POLA2: variants seen among roughly 807,000 people sequenced by gnomAD.
The protein encoded by POLA2 is DNA polymerase alpha 2, accessory subunit.
A neutral mutation model predicts 82.8 loss-of-function variants in POLA2; 47 were observed. The ratio of observed to expected loss-of-function variants is 0.57; its 90% CI spans 0.45 to 0.72. The LOEUF (loss-of-function observed/expected upper bound fraction) is 0.72, where lower values mean the gene tolerates loss of function less well. Ranked by LOEUF, POLA2 falls within the 30% of genes least tolerant of loss-of-function variation. The pLI is 0.00. For synonymous variants in POLA2, 287 were observed against 286.8 expected, an observed-to-expected ratio of 1.00 and a Z score of -0.01; for missense variants, 634 against 728.1, an observed-to-expected ratio of 0.87 and a Z score of 1.49.
intron 15 of POLA2, among the ~76,000 whole-genome samples, chr11:65,295,163 C>T (rs967446410): frequency 9.2e-5 from 14 of 152,328 alleles, no homozygotes; most frequent in East Asian, 3.9e-4. Context: ...AAGCGACTCG[C>T]GTGTGAAGCG....
chr11:65,278,612 T>G, intron 5 of POLA2, 118 bp from the exon 6 acceptor site: 1 of 826,738 alleles, frequency 1.2e-6, no homozygotes, highest in Non-Finnish European at 2.0e-6. Context: ...ATTCAATTTA[T>G]AAACTATGAG....
At chr11:65,267,186 A>G (rs1397224418) in intron 2 of POLA2, among the ~76,000 whole-genome samples, 1 of 152,156 alleles carries the variant, frequency 6.6e-6, no homozygotes, top group African/African-American at 2.4e-5. Flanking sequence ...AGCCTGGGAC[A>G]GAGCGAGACT....
At chr11:65,263,547 G>A (rs1175624708) in intron 1 of POLA2, among the ~76,000 whole-genome samples, 1 of 152,146 alleles carries the variant, frequency 6.6e-6, no homozygotes, top group Non-Finnish European at 1.5e-5. Context: ...AAGAAGACTA[G>A]CCAGGTGTGG....
At position 65,295,526 on chromosome 11, in the gene POLA2, C is replaced by A. The variant is rs746955814; in HGVS notation, c.1461-14C>A. ...AAACAGAGTTCTGTTTTCATGCTTTCTTTTCTTTCCCAGTTCTTCCGGAAC... is the reference window on the plus strand; with the variant it reads ...AAACAGAGTTCTGTTTTCATGCTTTATTTTCTTTCCCAGTTCTTCCGGAAC... On this transcript the variant is annotated splice_polypyrimidine_tract_variant and intron_variant, in intron 15 of 17. Transcript: ENST00000265465. 1 of 1,611,568 alleles carries A rather than the reference C, an allele frequency of 6.2e-7. No homozygotes were observed. The highest frequency in any genetic ancestry group is 8.5e-7 in the Non-Finnish European group (1 of 1,177,700).
chr11:65,279,540 C>A lies in POLA2; in HGVS notation c.658C>A (p.Leu220Met), dbSNP rs780756662. Residue 220 changes from leucine (L) to methionine (M), a missense_variant and splice_region_variant, in exon 7 of 18, where the codon CTG (leucine) becomes ATG (methionine). Transcript: ENST00000265465. ...FQKLPDIREV[L>M]TCKIEELGSE... ...TTTTTCCACTTCTGGGATTGTAGTT[C>A]TGACCTGTAAGATAGAAGAACTTGG... is the stretch of plus-strand genomic sequence containing the variant. The A allele has an allele frequency of 7.5e-6, 12 of 1,606,176 alleles. No individual in the cohort carries two copies. In the South Asian group the frequency reaches 1.3e-4, roughly 18 times the overall value.
At chr11:65,278,467 AACG>A (rs1949603805) in intron 5 of POLA2, among the ~76,000 whole-genome samples, 1 of 152,186 alleles carries the variant, frequency 6.6e-6, no homozygotes, top group South Asian at 2.1e-4. Context: ...ATGCCAAGAG[AACG>A]ACAACTTTTT....
intron 8 of POLA2, chr11:65,305,333 G>T (rs1411456794): frequency 2.2e-6 from 1 of 455,264 alleles, no homozygotes; most frequent in African/African-American, 2.0e-5. Context: ...TAAGAGAAAC[G>T]CAAACTCTAA....
At chr11:65,266,553 T>C (rs1428561065) in intron 1 of POLA2, 29 bp from the exon 2 acceptor site, 1 of 1,612,718 alleles carries the variant, frequency 6.2e-7, no homozygotes, top group African/African-American at 1.3e-5. Context: ...TGAACTAAGT[T>C]TTTACTTGTC....
intron 10 of POLA2, 114 bp from the exon 11 acceptor site, chr11:65,287,602 C>T: frequency 2.1e-6 from 2 of 934,240 alleles, no homozygotes; most frequent in Non-Finnish European, 3.2e-6. Context: ...CAGAGTTTCA[C>T]ACATAAAGGA....
intron 9 of POLA2, 115 bp from the exon 10 acceptor site, chr11:65,282,364 T>A (rs1035120256): frequency 1.2e-6 from 1 of 814,532 alleles, no homozygotes; most frequent in Admixed American, 1.8e-5. Context: ...CTCTCGCTCC[T>A]CCCCACTGTC....
intron 10 of POLA2, among the ~76,000 whole-genome samples, chr11:65,283,753 C>T (rs1283664181): frequency 6.6e-6 from 1 of 152,106 alleles, no homozygotes; most frequent in Non-Finnish European, 1.5e-5. Flanking sequence ...GGATTGCAGG[C>T]ATGAGCCACC....
Position 65,297,567 on chromosome 11 carries a change from C to T in POLA2, c.*298C>T, listed in dbSNP as rs1949826277. The T allele has an allele frequency of 3.7e-6, 1 of 269,632 alleles. No homozygotes were observed. Among genetic ancestry groups the T allele is most frequent in the South Asian group, 1.5e-4 (1 of 6,856 alleles). The allele number at this position is 269,632 out of a possible 1,614,324, so 16.7% of individuals were successfully genotyped here. ...GGCGAGAAGGCTTTGTGATTTTCTACATGAATCAAACACAGAAACAACTTT... is the reference window on the plus strand; with the variant it reads ...GGCGAGAAGGCTTTGTGATTTTCTATATGAATCAAACACAGAAACAACTTT... On this transcript the variant is annotated 3_prime_UTR_variant, in exon 18 of 18. Transcript: ENST00000265465.
intron 8 of POLA2, among the ~76,000 whole-genome samples, chr11:65,304,592 A>G (rs1388689132): frequency 6.6e-6 from 1 of 152,226 alleles, no homozygotes; most frequent in Non-Finnish European, 1.5e-5. Context: ...TTCCCACGGT[A>G]TCACAAGGTG....
chr11:65,292,562 T>C (rs1350062770), intron 13 of POLA2, among the ~76,000 whole-genome samples: 1 of 152,254 alleles, frequency 6.6e-6, no homozygotes, highest in African/African-American at 2.4e-5. Flanking sequence ...GGAGCACAGA[T>C]TGTCCCATTC....
At chr11:65,268,102 A>G (rs1949481771) in intron 3 of POLA2, among the ~76,000 whole-genome samples, 1 of 151,050 alleles carries the variant, frequency 6.6e-6, no homozygotes, top group Non-Finnish European at 1.5e-5. Flanking sequence ...CAAAGTACAA[A>G]TTAAAAAATA....
rs983144141 is a variant in POLA2, at chr11:65,278,776, G to A, written c.508G>A (p.Val170Met). ...CAACTCACGAAGTAACCGAGGAGAA[G>A]TGGTTACCTCCTTCGGCTTAGCACA... ...KYNSRSNRGEVVTSFGLAQGV... is the reference protein window; with the variant it reads ...KYNSRSNRGEMVTSFGLAQGV... The change falls in exon 6 of 18, where the codon GTG (valine) becomes ATG (methionine). Residue 170 changes from valine to methionine, a missense_variant. Coordinates refer to ENST00000265465, the MANE Select transcript of POLA2 (RefSeq NM_002689.4). 4.3e-6 allele frequency: 7 copies of A among 1,613,856 alleles called. No homozygotes were observed. Among genetic ancestry groups the A allele is most frequent in the Non-Finnish European group, 5.9e-6 (7 of 1,179,998 alleles).
chr11:65,295,985 G>A lies in POLA2; in HGVS notation c.1642G>A (p.Val548Met), dbSNP rs765496060. 3.7e-6 allele frequency: 6 copies of A among 1,614,010 alleles called. No homozygotes were observed. Among genetic ancestry groups the A allele is most frequent in the Non-Finnish European group, 4.2e-6 (5 of 1,180,010 alleles). Reference protein sequence around the residue: ...LIIPSELRYFVKDVLGCVCVN... With the variant: ...LIIPSELRYFMKDVLGCVCVN... ...CATCCCGTCAGAGCTGAGGTACTTC[G>A]TGAAGGTAGGTTTGAACTCTGCTTT... is the stretch of plus-strand genomic sequence containing the variant. The change falls in exon 17 of 18, where the codon GTG becomes ATG. Residue 548 changes from valine to methionine, a missense_variant. Val to Met is a conservative substitution (Grantham distance 21). Transcript: ENST00000265465.
chr11:65,272,731 G>A (rs557874469), intron 4 of POLA2, among the ~76,000 whole-genome samples: 28 of 152,254 alleles, frequency 1.8e-4, no homozygotes, highest in African/African-American at 6.7e-4. Context: ...TGATGAAACC[G>A]GCCACTGCGG....
Position 65,287,826 on chromosome 11 carries a change from G to C in POLA2, c.1117G>C (p.Asp373His). ...LIAVINHDRP[D>H]VCILFGPFLD... ...TGCTGTCATCAACCATGACCGGCCAGATGTCTGCATCCTGGTAAGAGGCAC... is the reference window on the plus strand; with the variant it reads ...TGCTGTCATCAACCATGACCGGCCACATGTCTGCATCCTGGTAAGAGGCAC... The change falls in exon 11 of 18, where the codon GAT becomes CAT. Residue 373 changes from aspartate (D) to histidine (H), a missense_variant. Asp to His is a moderately conservative substitution (Grantham distance 81). Transcript: ENST00000265465. The C allele has an allele frequency of 6.2e-7, 1 of 1,613,728 alleles. No homozygotes were observed. The highest frequency in any genetic ancestry group is 8.5e-7 in the Non-Finnish European group (1 of 1,179,882).
Sources: gnomAD v4.1 joint callset for allele counts (sites outside exome capture counted in the v4.1 genomes callset) on GRCh38, gnomAD v4.1.1 for gene constraint, MANE v1.5 for transcripts, NCBI Gene and HGNC (gene_info 2026-07-23, HGNC 2026-07-21) for gene names.